Variants in TLN2 observed in about 807,000 individuals in gnomAD.
TLN2 encodes talin 2, also known as talin-2.
In TLN2, 118 loss-of-function variants were observed where a neutral mutation model predicts 294.7. The observed-to-expected ratio is 0.40, with a 90% confidence interval of 0.34 to 0.47. The LOEUF (loss-of-function observed/expected upper bound fraction) is 0.47. Ranked by LOEUF, TLN2 falls within the 20% of genes least tolerant of loss-of-function variation. TLN2 has a pLI of 0.84. For synonymous variants in TLN2, 1,431 were observed against 1,304.5 expected, an observed-to-expected ratio of 1.10 and a Z score of -2.09; for missense variants, 3,083 against 3,282.2, an observed-to-expected ratio of 0.94 and a Z score of 1.48.
chr15:62,716,078 A>G (rs2059753185), intron 22 of TLN2, among the ~76,000 whole-genome samples: 1 of 152,222 alleles, frequency 6.6e-6, no homozygotes, highest in South Asian at 2.1e-4. Context: ...ATTTGTATGG[A>G]CAACCAAGGC....
intron 1 of TLN2, among the ~76,000 whole-genome samples, chr15:62,429,536 A>T (rs1301178746): frequency 6.6e-6 from 1 of 152,098 alleles, no homozygotes; most frequent in Non-Finnish European, 1.5e-5. Context: ...GTAGTTTAGC[A>T]GGGAACTTCA....
intron 1 of TLN2, among the ~76,000 whole-genome samples, chr15:62,483,393 G>C (rs1451034121): frequency 6.6e-6 from 1 of 152,164 alleles, no homozygotes; most frequent in African/African-American, 2.4e-5. Flanking sequence ...CCTGTACCAA[G>C]GTGCTTAGAA....
chr15:62,827,961 G>C (rs1253752299), intron 54 of TLN2: 1 of 152,192 alleles, frequency 6.6e-6, no homozygotes, highest in Non-Finnish European at 1.5e-5. Flanking sequence ...GAAACATGAG[G>C]AAAGGCTGTC....
intron 1 of TLN2, among the ~76,000 whole-genome samples, chr15:62,499,064 C>G (rs979189148): frequency 3.3e-5 from 5 of 152,086 alleles, no homozygotes; most frequent in African/African-American, 1.2e-4. Context: ...ATGGAAGTCT[C>G]TAGGAGTAAA....
chr15:62,762,474 T>A, intron 39 of TLN2, 21 bp downstream of exon 39: 1 of 1,610,456 alleles, frequency 6.2e-7, no homozygotes, highest in Non-Finnish European at 8.5e-7. Flanking sequence ...CATCCGGAGG[T>A]TGCTGCCAGC....
chr15:62,449,288 G>T (rs2035976853), intron 1 of TLN2, among the ~76,000 whole-genome samples: 1 of 152,152 alleles, frequency 6.6e-6, no homozygotes, highest in Non-Finnish European at 1.5e-5. Context: ...TCTTCTGCAT[G>T]ACCCAGATCT....
chr15:62,812,582 T>C (rs1226074984), intron 52 of TLN2, among the ~76,000 whole-genome samples: 1 of 152,174 alleles, frequency 6.6e-6, no homozygotes, highest in African/African-American at 2.4e-5. Flanking sequence ...GCATTTGTCT[T>C]AGGGAGAAGT....
intron 1 of TLN2, among the ~76,000 whole-genome samples, chr15:62,459,830 G>A (rs904012411): frequency 6.6e-6 from 1 of 152,138 alleles, no homozygotes; most frequent in Non-Finnish European, 1.5e-5. Context: ...CTAAGCTTTG[G>A]GGTGAGCCAA....
intron 12 of TLN2, among the ~76,000 whole-genome samples, chr15:62,689,812 T>A (rs1279486533): frequency 6.9e-6 from 1 of 144,728 alleles, no homozygotes; most frequent in East Asian, 2.0e-4. Context: ...AAGATATTTT[T>A]ATCTCTAGTT....
At chr15:62,710,186 A>G (rs769895333) in intron 21 of TLN2, among the ~76,000 whole-genome samples, 2 of 152,244 alleles carry the variant, frequency 1.3e-5, no homozygotes, top group African/African-American at 2.4e-5. Flanking sequence ...AAAATACTAC[A>G]ATAAGCATTC....
At chr15:62,584,660 C>A (rs2140708768) in intron 1 of TLN2, among the ~76,000 whole-genome samples, 1 of 152,338 alleles carries the variant, frequency 6.6e-6, no homozygotes, top group Admixed American at 6.5e-5. Flanking sequence ...CAAATTATAG[C>A]ATTCCCAAGA....
chr15:62,823,037 G>T (rs910389723), intron 54 of TLN2, among the ~76,000 whole-genome samples: 4 of 152,136 alleles, frequency 2.6e-5, no homozygotes, highest in Non-Finnish European at 5.9e-5. Context: ...TTACATTGAG[G>T]GTTTTTACAG....
At chr15:62,492,496 C>T (rs1313732700) in intron 1 of TLN2, among the ~76,000 whole-genome samples, 1 of 141,744 alleles carries the variant, frequency 7.1e-6, no homozygotes. Flanking sequence ...GCAGAAGTTG[C>T]AGTGAGCCGA....
chr15:62,821,348 A>T (rs2067548957), intron 54 of TLN2, among the ~76,000 whole-genome samples: 1 of 152,234 alleles, frequency 6.6e-6, no homozygotes, highest in African/African-American at 2.4e-5. Flanking sequence ...TTCCTATTCA[A>T]GTAAGTCCCT....
chr15:62,651,318 T>C (rs1278126338), intron 5 of TLN2, among the ~76,000 whole-genome samples: 1 of 152,192 alleles, frequency 6.6e-6, no homozygotes, highest in African/African-American at 2.4e-5. Flanking sequence ...ACTATCAAAT[T>C]TTTAAGAAAT....
intron 11 of TLN2, among the ~76,000 whole-genome samples, chr15:62,679,014 A>G (rs1395746182): frequency 6.7e-6 from 1 of 148,230 alleles, no homozygotes; most frequent in Non-Finnish European, 1.5e-5. Context: ...TTATCCTATA[A>G]CAAGATATAC....
At chr15:62,686,831 G>GT in intron 12 of TLN2, 35 bp downstream of exon 12, 1 of 1,607,480 alleles carries the variant, frequency 6.2e-7, no homozygotes, top group East Asian at 2.2e-5. Flanking sequence ...GAGCACTAGC[G>GT]TGGCCTTGAG....
At chr15:62,575,799 G>A (rs368907848) in intron 1 of TLN2, among the ~76,000 whole-genome samples, 3 of 152,164 alleles carry the variant, frequency 2.0e-5, no homozygotes, top group African/African-American at 7.2e-5. Context: ...CTTCATCCAC[G>A]GAAAACCAGT....
intron 1 of TLN2, among the ~76,000 whole-genome samples, chr15:62,520,456 T>G (rs1822201): frequency 0.52 from 78,527 of 152,066 alleles, 21,043 homozygotes; most frequent in African/African-American, 0.67. Context: ...AGTGTACATA[T>G]ATGCACAGGC....
Sources: allele counts gnomAD v4.1 joint callset (sites outside exome capture counted in the v4.1 genomes callset), GRCh38; gene constraint gnomAD v4.1.1; transcripts MANE v1.5; gene names NCBI Gene and HGNC (gene_info 2026-07-23, HGNC 2026-07-21).